The following P3H2 variants were observed in gnomAD, a reference collection of about 807,000 sequenced individuals.
P3H2 encodes the protein prolyl 3-hydroxylase 2.
In P3H2, 80 loss-of-function variants were observed where a neutral mutation model predicts 87.0. That is an observed-to-expected ratio of 0.92 (90% CI 0.77 to 1.11). P3H2 has a LOEUF of 1.11. Ranked by LOEUF, P3H2 falls within the 50% of genes least tolerant of loss-of-function variation. The probability of loss-of-function intolerance (pLI) is 0.00; values close to 1 mark genes in which losing one functional copy is unlikely to be tolerated. For missense variants in P3H2, 1,001 were observed against 923.9 expected (o/e 1.08, Z -1.08); for synonymous variants, 367 against 359.3 (o/e 1.02, Z -0.24).
intron 14 of P3H2, among the ~76,000 whole-genome samples, chr3:189,962,425 T>A (rs837684): frequency 0.21 from 32,590 of 152,000 alleles, 3,679 homozygotes; most frequent in Non-Finnish European, 0.27. Context: ...TCCACCCACC[T>A]AGGCCTCCAA....
At chr3:190,027,118 G>A (rs1028882892) in intron 1 of P3H2, among the ~76,000 whole-genome samples, 2 of 152,130 alleles carry the variant, frequency 1.3e-5, no homozygotes, top group Non-Finnish European at 1.5e-5. Flanking sequence ...CTGAGGCACT[G>A]AGAAGTACAA....
chr3:189,982,839 CTTTTTTTT>C (rs112041322), intron 8 of P3H2, among the ~76,000 whole-genome samples, 199 bp downstream of exon 8: 1 of 150,684 alleles, frequency 6.6e-6, no homozygotes, highest in Non-Finnish European at 1.5e-5. Flanking sequence ...TTCTTTTTTT[CTTTTTTTT>C]TGAAACCCAT....
Position 189,979,610 on chromosome 3 carries a change from C to T in P3H2, c.1324+3436G>A, listed in dbSNP as rs140856111. Among the ~76,000 whole-genome samples the T allele has an allele frequency of 2.2e-3, 335 of 152,102 alleles. 1 individual carries two copies. The highest frequency in any genetic ancestry group is 7.6e-3 in the African/African-American group (316 of 41,484). On this transcript the variant is annotated intron_variant, in intron 8 of 14. Transcript: ENST00000319332. Reference sequence around the variant, plus strand: ...TCCTGATTCCAAGTTTATTCCCCAACATTGTTTCTACTATCCCCCTACTGA... The same window carrying T: ...TCCTGATTCCAAGTTTATTCCCCAATATTGTTTCTACTATCCCCCTACTGA...
chr3:190,031,055 A>G (rs1725236441), intron 1 of P3H2, among the ~76,000 whole-genome samples: 1 of 152,216 alleles, frequency 6.6e-6, no homozygotes, highest in Non-Finnish European at 1.5e-5. Context: ...TCTGACACTT[A>G]GATAAGGATG....
At chr3:190,121,948 TG>T (rs536654628), upstream of P3H2, among the ~76,000 whole-genome samples, 45 of 151,860 alleles carry the variant, frequency 3.0e-4, no homozygotes, top group East Asian at 3.5e-3. Flanking sequence ...AAAAATTAGC[TG>T]GGCGTGGTGG....
chr3:190,107,127 T>A (rs1473009013), intron 1 of P3H2, among the ~76,000 whole-genome samples: 2 of 152,182 alleles, frequency 1.3e-5, no homozygotes, highest in Admixed American at 6.5e-5. Flanking sequence ...TATAAGATGG[T>A]CTTCAAAGGC....
chr3:190,059,742 C>T (rs1457442554), intron 1 of P3H2, among the ~76,000 whole-genome samples: 3 of 152,008 alleles, frequency 2.0e-5, no homozygotes, highest in Admixed American at 1.3e-4. Context: ...GGGGACAAAA[C>T]CAAACATAAT....
chr3:190,078,659 C>T (rs1413127337), intron 1 of P3H2, among the ~76,000 whole-genome samples: 1 of 152,158 alleles, frequency 6.6e-6, no homozygotes, highest in Non-Finnish European at 1.5e-5. Flanking sequence ...TGGAAAAGGA[C>T]ACAGAAATGT....
rs79280784 is a variant in P3H2 at position 190,050,644 on chromosome 3, T to C, written c.481-55202A>G. ...ATCTGTATGATCATTTGTTTGTGTA[T>C]ATATGAGTTTTTTGAGGAATATTAG... On this transcript the variant is annotated intron_variant, in intron 1 of 14. Coordinates refer to ENST00000319332, the MANE Select transcript of P3H2 (RefSeq NM_018192.4). Among the ~76,000 whole-genome samples the C allele has an allele frequency of 4.5e-3, 679 of 152,324 alleles. 4 individuals carry two copies. The highest frequency in any genetic ancestry group is 0.015 in the African/African-American group (607 of 41,572).
chr3:190,016,725 A>G (rs551214040), intron 1 of P3H2, among the ~76,000 whole-genome samples: 73 of 152,346 alleles, frequency 4.8e-4, no homozygotes, highest in African/African-American at 1.6e-3. Context: ...CTTAAGAGTC[A>G]TCTGGCCAAA....
At chr3:189,991,013 G>A (rs1310658365) in intron 3 of P3H2, among the ~76,000 whole-genome samples, 1 of 152,178 alleles carries the variant, frequency 6.6e-6, no homozygotes, top group African/African-American at 2.4e-5. Context: ...GGAAGCAGGT[G>A]TAGAGGCGAA....
intron 1 of P3H2, among the ~76,000 whole-genome samples, chr3:190,094,911 G>C (rs1420945646): frequency 6.6e-6 from 1 of 152,100 alleles, no homozygotes; most frequent in East Asian, 1.9e-4. Context: ...TTTTTTGACT[G>C]ATCATCCATG....
intron 1 of P3H2, among the ~76,000 whole-genome samples, chr3:190,088,637 G>C (rs1209386718): frequency 1.3e-5 from 2 of 152,180 alleles, no homozygotes; most frequent in Non-Finnish European, 2.9e-5. Context: ...AGATCAGAAG[G>C]AGGGCAAATG....
intron 13 of P3H2, among the ~76,000 whole-genome samples, chr3:189,966,061 A>G (rs1722968233): frequency 7.7e-6 from 1 of 129,406 alleles, no homozygotes; most frequent in Non-Finnish European, 1.6e-5. Flanking sequence ...AGAAAGAAAG[A>G]AAGAGAAAGA....
intron 1 of P3H2, among the ~76,000 whole-genome samples, chr3:190,083,292 C>T (rs533879603): frequency 2.0e-5 from 3 of 152,128 alleles, no homozygotes; most frequent in Non-Finnish European, 2.9e-5. Flanking sequence ...AAAGAGGAAA[C>T]ACCACAGCCA....
At chr3:189,969,243 A>G in intron 13 of P3H2, 1 of 780,268 alleles carries the variant, frequency 1.3e-6, no homozygotes. Flanking sequence ...AACAAATTCC[A>G]GCCTCTTTAG....
intron 1 of P3H2, among the ~76,000 whole-genome samples, chr3:190,067,007 C>CTTTTTT (rs759812431): frequency 4.8e-5 from 7 of 145,130 alleles, no homozygotes; most frequent in African/African-American, 8.0e-5. Flanking sequence ...TTTTAATTTT[C>CTTTTTT]TTTCTTTTTT....
In P3H2 at chr3:190,009,428, G is replaced by A. The variant is rs546476566; in HGVS notation, c.481-13986C>T. ...TTAGATCAATCTTACTGAGCAATGC[G>A]TGGCAGTATACCCTACTCCTTCCAA... is the stretch of plus-strand genomic sequence containing the variant. On this transcript the variant is annotated intron_variant, in intron 1 of 14. Coordinates refer to ENST00000319332, the MANE Select transcript of P3H2 (RefSeq NM_018192.4). Among the ~76,000 whole-genome samples the A allele has an allele frequency of 1.3e-4, 20 of 152,212 alleles. No individual in the cohort carries two copies. The East Asian group carries it at 1.9e-3, about 15-fold the overall frequency.
intron 12 of P3H2, 76 bp downstream of exon 12, chr3:189,971,814 C>T (rs1723185560): frequency 1.1e-6 from 1 of 897,190 alleles, no homozygotes; most frequent in East Asian, 2.4e-5. Context: ...TCAAGCAAAA[C>T]AGAGCACCTT....
Sources: allele counts gnomAD v4.1 joint callset (sites outside exome capture counted in the v4.1 genomes callset), GRCh38; gene constraint gnomAD v4.1.1; transcripts MANE v1.5; gene names NCBI Gene and HGNC (gene_info 2026-07-23, HGNC 2026-07-21).